The following SLC60A1 variants were observed in gnomAD, a reference collection of about 807,000 sequenced individuals.
The protein encoded by SLC60A1 is major facilitator superfamily domain containing 4.
the SLC60A1 span, among the ~76,000 whole-genome samples, chr1:205,572,322 G>T: frequency 6.6e-6 from 1 of 152,144 alleles, no homozygotes; most frequent in African/African-American, 2.4e-5. Context: ...GAAGGCGTCA[G>T]CATAGGTAAA....
At chr1:205,598,914 G>A in the SLC60A1 span, 1 of 597,482 alleles carries the variant, frequency 1.7e-6, no homozygotes, top group African/African-American at 1.9e-5. Flanking sequence ...GGGTCACCAG[G>A]TCCAGTCCCT....
the SLC60A1 span, chr1:205,580,608 C>G: frequency 6.3e-7 from 1 of 1,590,808 alleles, no homozygotes; most frequent in South Asian, 1.1e-5. The surrounding 1 kb of genome is among the most constrained non-coding windows in gnomAD (Gnocchi z 5.0). Context: ...CACCACTTCC[C>G]CGGGCTGAAG....
the SLC60A1 span, chr1:205,597,986 T>G: frequency 1.1e-6 from 1 of 883,712 alleles, no homozygotes; most frequent in Non-Finnish European, 1.8e-6. Flanking sequence ...GGGCCCCCTG[T>G]GCCGTTGTTA....
the SLC60A1 span, chr1:205,580,079 G>A: frequency 1.0e-5 from 10 of 987,030 alleles, no homozygotes; most frequent in African/African-American, 1.6e-5. This position sits in a 1 kb window ranked among gnomAD's most constrained non-coding sequence, Gnocchi z 5.0. Context: ...TTCTAGACTC[G>A]GTTTTCCCAT....
At chr1:205,588,053 A>G in the SLC60A1 span, among the ~76,000 whole-genome samples, 2 of 152,210 alleles carry the variant, frequency 1.3e-5, no homozygotes, top group Non-Finnish European at 2.9e-5. Context: ...GAGGAGGCAT[A>G]GCAATCTATA....
the SLC60A1 span, chr1:205,584,996 G>T: frequency 1.2e-6 from 2 of 1,612,640 alleles, no homozygotes; most frequent in Admixed American, 3.3e-5. Flanking sequence ...TTGACGGTGA[G>T]CCTGCCTCAG....
chr1:205,594,320 A>T, the SLC60A1 span, among the ~76,000 whole-genome samples: 1 of 152,232 alleles, frequency 6.6e-6, no homozygotes, highest in Non-Finnish European at 1.5e-5. Context: ...CACACAGTAC[A>T]ACTCGAGAGT....
the SLC60A1 span, among the ~76,000 whole-genome samples, chr1:205,582,527 T>A: frequency 1.3e-5 from 2 of 152,182 alleles, no homozygotes; most frequent in African/African-American, 4.8e-5. Flanking sequence ...GCCAATCCTC[T>A]GTGAAGCCCT....
At chr1:205,583,955 C>T in the SLC60A1 span, 3 of 1,612,526 alleles carry the variant, frequency 1.9e-6, no homozygotes, top group Non-Finnish European at 2.5e-6. Flanking sequence ...TGCTCCCCAG[C>T]TTCCAGTGCC....
At chr1:205,571,387 A>T in the SLC60A1 span, among the ~76,000 whole-genome samples, 1 of 152,158 alleles carries the variant, frequency 6.6e-6, no homozygotes. Flanking sequence ...CAGGTTTGGG[A>T]TGAGTAGCCC....
chr1:205,570,336 G>A, the SLC60A1 span, among the ~76,000 whole-genome samples: 2 of 152,280 alleles, frequency 1.3e-5, no homozygotes, highest in East Asian at 3.9e-4. Context: ...TGGCTGAGTG[G>A]TTTCCTAGAT....
chr1:205,580,768 C>G, the SLC60A1 span: 1 of 1,614,216 alleles, frequency 6.2e-7, no homozygotes, highest in Non-Finnish European at 8.5e-7. This position sits in a 1 kb window ranked among gnomAD's most constrained non-coding sequence, Gnocchi z 5.0. Flanking sequence ...CCAACACCAC[C>G]TCCCGAGGCC....
chr1:205,575,337 G>C, the SLC60A1 span, among the ~76,000 whole-genome samples: 1 of 152,214 alleles, frequency 6.6e-6, no homozygotes, highest in African/African-American at 2.4e-5. Context: ...TCCCTGCTGG[G>C]CAGAGGGATC....
chr1:205,596,337 C>A, the SLC60A1 span, among the ~76,000 whole-genome samples: 1 of 151,964 alleles, frequency 6.6e-6, no homozygotes, highest in Non-Finnish European at 1.5e-5. Flanking sequence ...CCCATCCAGG[C>A]ATGGGGACCA....
At chr1:205,589,373 G>A in the SLC60A1 span, among the ~76,000 whole-genome samples, 1 of 152,180 alleles carries the variant, frequency 6.6e-6, no homozygotes, top group African/African-American at 2.4e-5. Flanking sequence ...AAAAAGATGA[G>A]GATGGGGAAG....
At chr1:205,571,864 G>A in the SLC60A1 span, among the ~76,000 whole-genome samples, 6 of 152,234 alleles carry the variant, frequency 3.9e-5, no homozygotes, top group African/African-American at 1.4e-4. Flanking sequence ...GTGAGTGGGG[G>A]ATTGCTTTAA....
chr1:205,586,150 C>T, the SLC60A1 span: 1 of 1,613,818 alleles, frequency 6.2e-7, no homozygotes, highest in Non-Finnish European at 8.5e-7. Flanking sequence ...TGGGCCGGCT[C>T]CTCTCCATTC....
the SLC60A1 span, chr1:205,597,631 A>C: frequency 5.1e-5 from 36 of 702,206 alleles, no homozygotes; most frequent in Middle Eastern, 2.5e-4. Flanking sequence ...CCTGGCCTCA[A>C]GAGATCCTCC....
At chr1:205,580,012 C>T in the SLC60A1 span, 24 of 1,522,702 alleles carry the variant, frequency 1.6e-5, no homozygotes, top group South Asian at 1.6e-4. The surrounding 1 kb of genome is among the most constrained non-coding windows in gnomAD (Gnocchi z 5.0). Flanking sequence ...CCCTAGGCCC[C>T]CTCAGTCTCT....
Sources: allele counts gnomAD v4.1 joint callset (sites outside exome capture counted in the v4.1 genomes callset), GRCh38; gene constraint gnomAD v4.1.1; non-coding constraint Gnocchi (gnomAD v3.1); transcripts MANE v1.5; gene names NCBI Gene and HGNC (gene_info 2026-07-23, HGNC 2026-07-21).